Variants in ACAD10 observed in about 807,000 individuals in gnomAD.
ACAD10 encodes ACAD-10.
ACAD10 carries 112 observed loss-of-function variants against 116.8 expected under a neutral mutation model. That is an observed-to-expected ratio of 0.96 (90% confidence interval 0.82 to 1.12). The LOEUF (loss-of-function observed/expected upper bound fraction) is 1.12. Among genes scored for constraint, ACAD10 ranks in the 50% most tolerant of loss-of-function variants. The probability of loss-of-function intolerance (pLI) is 0.00; values close to 1 mark genes in which losing one functional copy is unlikely to be tolerated. For missense variants in ACAD10, 1,259 were observed against 1,350.2 expected, an observed-to-expected ratio of 0.93 and a Z score of 1.06; for synonymous variants, 486 against 510.6, an observed-to-expected ratio of 0.95 and a Z score of 0.65.
chr12:111,689,408 C>T (rs192586530), intron 1 of ACAD10, among the ~76,000 whole-genome samples: 415 of 151,494 alleles, frequency 2.7e-3, no homozygotes, highest in South Asian at 8.2e-3. Flanking sequence ...TCTATAACCC[C>T]GGCTGGAATG....
chr12:111,728,464 T>G (rs1248949798), intron 9 of ACAD10, among the ~76,000 whole-genome samples: 1 of 152,164 alleles, frequency 6.6e-6, no homozygotes, highest in Non-Finnish European at 1.5e-5. Context: ...ATTTTTTTTC[T>G]GATACTGACC....
At chr12:111,727,489 A>C (rs1413009574) in intron 8 of ACAD10, among the ~76,000 whole-genome samples, 3 of 152,222 alleles carry the variant, frequency 2.0e-5, no homozygotes, top group Non-Finnish European at 4.4e-5. Context: ...GCGCCACTGC[A>C]CTCCAGCCTG....
chr12:111,746,449 G>A (rs963894818), intron 14 of ACAD10, among the ~76,000 whole-genome samples, 165 bp downstream of exon 14: 4 of 151,626 alleles, frequency 2.6e-5, no homozygotes, highest in Non-Finnish European at 5.9e-5. Context: ...GTGTAGTGGC[G>A]AAATCTTGGC....
rs549621345 is a variant in ACAD10, at chr12:111,750,881, A to AT, written c.2817+1542dup. ...TATTGAAAGAACAGAGGCAGTCTGA[A>AT]TTTTTTATTACCGAGCAAACCTGTG... On this transcript the variant is annotated intron_variant, in intron 18 of 20. Coordinates refer to ENST00000313698, the MANE Select transcript of ACAD10 (RefSeq NM_025247.6). Among the ~76,000 whole-genome samples the AT allele has an allele frequency of 2.4e-3, 358 of 152,276 alleles. 1 individual carries two copies. The highest frequency in any genetic ancestry group is 3.2e-3 in the Non-Finnish European group (216 of 68,022).
In ACAD10 at chr12:111,747,034, C is replaced by T; in HGVS notation, c.2257-15C>T. ...AGGACATGACAGTCATGGTCACGCT[C>T]CTTTTCCTTCTCAGGTATGTAACTG... On this transcript the variant is annotated splice_polypyrimidine_tract_variant and intron_variant, in intron 14 of 20. Coordinates refer to ENST00000313698, the MANE Select transcript of ACAD10 (RefSeq NM_025247.6). The T allele has an allele frequency of 3.2e-6, 5 of 1,569,692 alleles. No homozygotes were observed. Among genetic ancestry groups the T allele is most frequent in the East Asian group, 4.5e-5 (2 of 44,292 alleles).
chr12:111,748,233 C>T, intron 16 of ACAD10, 84 bp from the exon 17 acceptor site: 1 of 1,551,006 alleles, frequency 6.4e-7, no homozygotes, highest in Non-Finnish European at 8.8e-7. Flanking sequence ...CTTACTGTGC[C>T]TTTCTTGGGC....
In ACAD10 at chr12:111,715,888, T is replaced by C. The variant is rs760521818; in HGVS notation, c.918T>C (p.Asn306=). The C allele has an allele frequency of 5.0e-6, 8 of 1,614,140 alleles. No individual in the cohort carries two copies. In the South Asian group the frequency reaches 8.8e-5, roughly 18 times the overall value. The change falls in exon 7 of 21, where the codon AAT becomes AAC. Residue 306 remains asparagine (N), a synonymous_variant. Coordinates refer to ENST00000313698, the MANE Select transcript of ACAD10 (RefSeq NM_025247.6). The part of the protein sequence containing the change: ...SNPTYYIRLA[N]RDLVLRKKPP... ...CAACTTACTACATCAGGCTGGCTAA[T>C]CGTGATCTAGTTCTGAGGAAGAAGC...
At chr12:111,705,660 C>CT in intron 3 of ACAD10, 78 bp from the exon 4 acceptor site, 2 of 1,319,672 alleles carry the variant, frequency 1.5e-6, no homozygotes, top group African/African-American at 1.5e-5. Context: ...CAGGAATAAG[C>CT]ATTTTTTTTT....
intron 18 of ACAD10, chr12:111,752,679 T>TA (rs1440610548): frequency 1.3e-5 from 2 of 151,974 alleles, no homozygotes; most frequent in Admixed American, 1.3e-4. Flanking sequence ...TAAGTATATA[T>TA]AAAAAAACTA....
chr12:111,712,418 A>T, intron 5 of ACAD10, 80 bp from the exon 6 acceptor site: 1 of 1,320,798 alleles, frequency 7.6e-7, no homozygotes, highest in Non-Finnish European at 1.1e-6. Context: ...ATACGTGTAT[A>T]TATTCTCAAC....
intron 8 of ACAD10, among the ~76,000 whole-genome samples, chr12:111,723,330 C>G (rs1288866605): frequency 7.0e-6 from 1 of 142,052 alleles, no homozygotes; most frequent in African/African-American, 2.6e-5. Flanking sequence ...GCTGACCCCC[C>G]CACCTCCCTC....
rs142858418 is a variant in ACAD10 at position 111,753,663 on chromosome 12, C to T, written c.2818-109C>T. Reference sequence around the variant, plus strand: ...ACAGTCCTGGTTTCACTCTCCTCCCCTGCCCTGTCCTGTCTGCTTCCACCC... The same window carrying T: ...ACAGTCCTGGTTTCACTCTCCTCCCTTGCCCTGTCCTGTCTGCTTCCACCC... On this transcript the variant is annotated intron_variant, in intron 18 of 20. Coordinates refer to ENST00000313698, the MANE Select transcript of ACAD10 (RefSeq NM_025247.6). 1.3e-5 allele frequency: 19 copies of T among 1,454,620 alleles called. No homozygotes were observed. The East Asian group carries it at 3.2e-4, about 25-fold the overall frequency. 90.1% of individuals were successfully genotyped at this position (1,454,620 alleles called of 1,614,324 possible). A position where few individuals can be genotyped will look rare whatever the true frequency, so the allele number is the denominator to read the frequency against.
chr12:111,744,455 G>A (rs963678172), intron 12 of ACAD10, 188 bp from the exon 13 acceptor site: 1 of 688,366 alleles, frequency 1.5e-6, no homozygotes, highest in South Asian at 2.0e-5. Flanking sequence ...TGCGTGCAAA[G>A]TGCAGGTGAA....
At chr12:111,755,804 C>A (rs746149911) in intron 20 of ACAD10, 59 bp downstream of exon 20, 1 of 1,539,468 alleles carries the variant, frequency 6.5e-7, no homozygotes, top group East Asian at 2.2e-5. Flanking sequence ...GCCAAACTCT[C>A]CTATCTTCAG....
At chr12:111,749,457 G>A (rs1162439203) in intron 18 of ACAD10, 112 bp downstream of exon 18, 2 of 1,371,444 alleles carry the variant, frequency 1.5e-6, no homozygotes, top group Admixed American at 2.6e-5. Context: ...GGTGAAGCAA[G>A]GTGATGTCCT....
intron 3 of ACAD10, among the ~76,000 whole-genome samples, chr12:111,704,386 C>T (rs888997365): frequency 1.4e-4 from 21 of 152,020 alleles, no homozygotes; most frequent in African/African-American, 5.1e-4. Flanking sequence ...GTGATCCGCC[C>T]ACCTTGGCCT....
intron 3 of ACAD10, among the ~76,000 whole-genome samples, chr12:111,702,527 C>T (rs886205889): frequency 8.6e-5 from 13 of 151,934 alleles, no homozygotes; most frequent in Non-Finnish European, 1.5e-4. Flanking sequence ...GTCAGGAGTT[C>T]GAGACCAGCC....
In ACAD10 at chr12:111,747,379, A is replaced by G; in HGVS notation, c.2479A>G (p.Ile827Val). Residue 827 changes from isoleucine (I) to valine (V), a missense_variant, in exon 16 of 21, where the codon ATC becomes GTC. Ile to Val is a conservative substitution (Grantham distance 29). Coordinates refer to ENST00000313698, the MANE Select transcript of ACAD10 (RefSeq NM_025247.6). ...FYVINGHKWW[I>V]TGILDPRCQL... Reference sequence around the variant, plus strand: ...TGTCATAAACGGTCACAAATGGTGGATCACAGGTATTTGGCCTAAAATGCA... The same window carrying G: ...TGTCATAAACGGTCACAAATGGTGGGTCACAGGTATTTGGCCTAAAATGCA... 6.2e-7 allele frequency: 1 copy of G among 1,614,200 alleles called. No homozygotes were observed. Among genetic ancestry groups the G allele is most frequent in the East Asian group, 2.2e-5 (1 of 44,882 alleles).
chr12:111,717,651 G>C (rs1285385347), intron 7 of ACAD10, among the ~76,000 whole-genome samples: 1 of 150,122 alleles, frequency 6.7e-6, no homozygotes, highest in Non-Finnish European at 1.5e-5. Flanking sequence ...CTATAATCTC[G>C]AACTCCTGGG....
Sources: allele counts gnomAD v4.1 joint callset (sites outside exome capture counted in the v4.1 genomes callset), GRCh38; gene constraint gnomAD v4.1.1; transcripts MANE v1.5; gene names NCBI Gene and HGNC (gene_info 2026-07-23, HGNC 2026-07-21).